Variants in DLG1 observed in about 807,000 individuals in gnomAD.
The protein encoded by DLG1 is disks large homolog 1.
DLG1 carries 42 observed loss-of-function variants against 123.4 expected under a neutral mutation model. That is an observed-to-expected ratio of 0.34 (90% CI 0.27 to 0.44). The LOEUF is 0.44. Ranked by LOEUF, DLG1 falls within the 20% of genes least tolerant of loss-of-function variation. The pLI is 1.00. For synonymous variants in DLG1, 317 were observed against 356.2 expected (o/e 0.89, Z 1.24); for missense variants, 942 against 1,082.6 (o/e 0.87, Z 1.82).
Position 197,164,005 on chromosome 3 carries a change from T to C in DLG1, c.484-14209A>G, listed in dbSNP as rs568518582. Among the ~76,000 whole-genome samples the C allele has an allele frequency of 2.5e-4, 38 of 152,260 alleles. No individual in the cohort carries two copies. The South Asian group carries it at 7.7e-3, about 31-fold the overall frequency. ...TTCCAAAAAAGCTTTTAAAAATGCA[T>C]GAAAACTGGTCCTCTCACACTGCTG... On this transcript the variant is annotated intron_variant, in intron 5 of 24. Coordinates refer to ENST00000667157, the MANE Select transcript of DLG1 (RefSeq NM_001366207.1).
chr3:197,280,983 A>ATTTT (rs889630276), intron 4 of DLG1, among the ~76,000 whole-genome samples: 3 of 152,086 alleles, frequency 2.0e-5, no homozygotes, highest in African/African-American at 7.2e-5. Flanking sequence ...GGCAGAAAGC[A>ATTTT]AAAAGTTAAG....
chr3:197,078,139 C>T (rs1186507957), intron 17 of DLG1, among the ~76,000 whole-genome samples: 2 of 105,114 alleles, frequency 1.9e-5, no homozygotes, highest in African/African-American at 7.1e-5. Flanking sequence ...TGGCGAAACC[C>T]CATCTCAAAA....
chr3:197,245,105 CT>C (rs1427238462), intron 4 of DLG1, among the ~76,000 whole-genome samples: 1 of 151,994 alleles, frequency 6.6e-6, no homozygotes, highest in Admixed American at 6.6e-5. Context: ...GGTTAGATGG[CT>C]TTTTAGGGTT....
intron 4 of DLG1, among the ~76,000 whole-genome samples, chr3:197,261,766 A>G (rs1759549402): frequency 6.6e-6 from 1 of 152,074 alleles, no homozygotes; most frequent in Non-Finnish European, 1.5e-5. Context: ...TATTACTATT[A>G]TTAGTATGTA....
At chr3:197,219,516 G>C (rs547979797) in intron 4 of DLG1, among the ~76,000 whole-genome samples, 1 of 152,108 alleles carries the variant, frequency 6.6e-6, no homozygotes, top group Non-Finnish European at 1.5e-5. Context: ...TAAAGCCCTG[G>C]CTCTCCCTTT....
chr3:197,078,814 T>C (rs1413099789), intron 17 of DLG1, among the ~76,000 whole-genome samples: 2 of 148,128 alleles, frequency 1.4e-5, no homozygotes, highest in Non-Finnish European at 3.0e-5. Context: ...AACTGATGTG[T>C]TTTTTATAAA....
chr3:197,075,651 CA>C (rs1746763341), intron 18 of DLG1, among the ~76,000 whole-genome samples: 1 of 151,768 alleles, frequency 6.6e-6, no homozygotes, highest in South Asian at 2.1e-4. Context: ...AAAATAAAAA[CA>C]AAAAGTTATG....
At chr3:197,049,357 G>GA (rs1725640088) in intron 24 of DLG1, among the ~76,000 whole-genome samples, 1 of 152,070 alleles carries the variant, frequency 6.6e-6, no homozygotes, top group Non-Finnish European at 1.5e-5. Context: ...ACAACAAAAA[G>GA]AAAACCAAAG....
chr3:197,275,590 G>A (rs956482264), intron 4 of DLG1, among the ~76,000 whole-genome samples: 2 of 152,194 alleles, frequency 1.3e-5, no homozygotes, highest in Non-Finnish European at 2.9e-5. Flanking sequence ...CCTGTCATCT[G>A]CAGCATCATG....
In DLG1 at chr3:197,116,029, A is replaced by G; in HGVS notation, c.1341T>C (p.Ile447=). 2 of 1,613,440 alleles carry G rather than the reference A, an allele frequency of 1.2e-6. No homozygotes were observed. Among genetic ancestry groups the G allele is most frequent in the Non-Finnish European group, 1.7e-6 (2 of 1,179,780 alleles). ...HRGSTGLGFN[I]VGGEDGEGIF... is the part of the protein sequence containing the mutation. The stretch of plus-strand genomic sequence containing the variant: ...TTCCTTCTCCATCTTCTCCTCCTAC[A>G]ATGTTGAAACCAAGGCCCGTTGAGC... Residue 447 remains isoleucine, a synonymous_variant, in exon 13 of 25, where the codon ATT becomes ATC. Transcript: ENST00000667157.
intron 4 of DLG1, among the ~76,000 whole-genome samples, chr3:197,266,924 A>G (rs760029726): frequency 1.3e-5 from 2 of 152,182 alleles, no homozygotes; most frequent in Non-Finnish European, 2.9e-5. Flanking sequence ...AAAAACGTCT[A>G]AAGTAGGTAA....
chr3:197,075,413 T>C (rs1213252111), intron 18 of DLG1, among the ~76,000 whole-genome samples: 1 of 150,882 alleles, frequency 6.6e-6, no homozygotes, highest in African/African-American at 2.4e-5. Context: ...ACTTTTATAG[T>C]AATGCTTTTC....
intron 5 of DLG1, among the ~76,000 whole-genome samples, chr3:197,175,966 C>T (rs1367864746): frequency 1.3e-5 from 2 of 152,114 alleles, no homozygotes; most frequent in Non-Finnish European, 2.9e-5. Context: ...TTTAAAACTT[C>T]TCTGAATATA....
chr3:197,101,368 T>C (rs997702765), intron 14 of DLG1, among the ~76,000 whole-genome samples: 17 of 152,010 alleles, frequency 1.1e-4, no homozygotes, highest in African/African-American at 3.9e-4. Context: ...AGTTTTACTA[T>C]TATATACTAT....
chr3:197,100,393 A>G (rs1762824861), intron 14 of DLG1, among the ~76,000 whole-genome samples: 1 of 152,212 alleles, frequency 6.6e-6, no homozygotes. Context: ...CTTGCAAAAT[A>G]GGGATTATGC....
rs577819010 is a variant in DLG1 at position 197,122,825 on chromosome 3, C to A, written c.1166-3295G>T. Among the ~76,000 whole-genome samples, 30 of 152,094 alleles carry A rather than the reference C, an allele frequency of 2.0e-4. 1 individual carries two copies. Among genetic ancestry groups the A allele is most frequent in the South Asian group, 1.0e-3 (5 of 4,818 alleles). On this transcript the variant is annotated intron_variant, in intron 11 of 24. Coordinates refer to ENST00000667157, the MANE Select transcript of DLG1 (RefSeq NM_001366207.1). ...ACTGATTAAGAAACTCAATTTAATT[C>A]TTCCTAAACCGATCTGTAATGTTTT...
chr3:197,214,815 T>C (rs1733227596), intron 4 of DLG1, among the ~76,000 whole-genome samples: 1 of 152,156 alleles, frequency 6.6e-6, no homozygotes, highest in Admixed American at 6.5e-5. Flanking sequence ...TGGCAGTTCA[T>C]TGTATAAAGA....
rs1360051683 is a variant in DLG1, at chr3:197,097,582, T to TTC, written c.1547-6557_1547-6556insGA. Among the ~76,000 whole-genome samples the TTC allele has an allele frequency of 5.1e-5, 7 of 137,532 alleles. No homozygotes were observed. In the South Asian group the frequency reaches 1.1e-3, roughly 22 times the overall value. 90.2% of individuals were successfully genotyped at this position (137,532 alleles called of 152,430 possible). ...TCTACTATCTTTTTTTGTACTTTCTTTTTTTTTTTTTTTTTTGAGAGAGAG... is the reference window on the plus strand; with the variant it reads ...TCTACTATCTTTTTTTGTACTTTCTTTCTTTTTTTTTTTTTTTTGAGAGAGAG... On this transcript the variant is annotated intron_variant, in intron 14 of 24. Coordinates refer to ENST00000667157, the MANE Select transcript of DLG1 (RefSeq NM_001366207.1).
intron 3 of DLG1, among the ~76,000 whole-genome samples, chr3:197,292,679 T>C (rs1775527948): frequency 6.6e-6 from 1 of 152,232 alleles, no homozygotes; most frequent in Non-Finnish European, 1.5e-5. Context: ...TAGATTTTAA[T>C]AGAGTGGCAA....
Sources: allele counts gnomAD v4.1 joint callset (sites outside exome capture counted in the v4.1 genomes callset), GRCh38; gene constraint gnomAD v4.1.1; transcripts MANE v1.5; gene names NCBI Gene and HGNC (gene_info 2026-07-23, HGNC 2026-07-21).